Variants in RNF207 observed in about 807,000 individuals in gnomAD.
RNF207 encodes the protein ring finger protein 207, also known as OTTHUMG00000001089.
A neutral mutation model predicts 79.0 loss-of-function variants in RNF207; 72 were observed. The observed-to-expected ratio is 0.91, with a 90% CI of 0.75 to 1.11. RNF207 has a LOEUF of 1.11. Ranked by LOEUF, RNF207 falls within the 50% of genes least tolerant of loss-of-function variation. RNF207 has a pLI of 0.00. For synonymous variants in RNF207, 348 were observed against 366.2 expected (o/e 0.95, Z 0.57); for missense variants, 936 against 855.8 (o/e 1.09, Z -1.17).
chr1:6,220,948 C>A lies in RNF207; in HGVS notation c.*1541C>A, dbSNP rs1668528916. ...AGCACATTCAACACATAACACATCA[C>A]TCACATTGACGTCCACTGTCCCTGC... On this transcript the variant is annotated 3_prime_UTR_variant, in exon 18 of 18. Coordinates refer to ENST00000377939, the MANE Select transcript of RNF207 (RefSeq NM_207396.3). 6.6e-6 allele frequency: 1 copy of A among 152,248 alleles called. No individual in the cohort carries two copies. Among genetic ancestry groups the A allele is most frequent in the Non-Finnish European group, 1.5e-5 (1 of 68,052 alleles). The allele number at this position is 152,248 out of a possible 1,614,324, so 9.4% of individuals were successfully genotyped here.
chr1:6,215,455 C>T (rs1273977557), intron 16 of RNF207, among the ~76,000 whole-genome samples: 1 of 152,020 alleles, frequency 6.6e-6, no homozygotes, highest in Non-Finnish European at 1.5e-5. Flanking sequence ...GTGTTAGCCA[C>T]CGTGCCAAGC....
intron 3 of RNF207, 134 bp from the exon 4 acceptor site, chr1:6,208,747 A>T: frequency 1.1e-6 from 1 of 891,200 alleles, no homozygotes. Context: ...TGCCTGGATT[A>T]CAGGAAAGGG....
intron 16 of RNF207, among the ~76,000 whole-genome samples, chr1:6,214,875 TC>T (rs1470332869): frequency 1.3e-5 from 2 of 151,860 alleles, no homozygotes; most frequent in Non-Finnish European, 2.9e-5. Context: ...GACCTCGTCA[TC>T]TACCCGCCTC....
chr1:6,218,190 A>G, intron 16 of RNF207, 99 bp from the exon 17 acceptor site: 1 of 773,846 alleles, frequency 1.3e-6, no homozygotes, highest in Non-Finnish European at 2.3e-6. Flanking sequence ...AGGTGGGTGC[A>G]TGAGTGGTGG....
Position 6,213,026 on chromosome 1 carries a change from T to C in RNF207, c.1535-40T>C, listed in dbSNP as rs374786382. 54 of 1,354,322 alleles carry C rather than the reference T, an allele frequency of 4.0e-5. 1 individual carries two copies. In the African/African-American group the frequency reaches 7.5e-4, roughly 19 times the overall value. 83.9% of individuals were successfully genotyped at this position (1,354,322 alleles called of 1,614,324 possible). ...TGAGTAAAAATCTGAAGCCAGATGC[T>C]TCAGGATTAAGACCCCATGCTCTGG... On this transcript the variant is annotated intron_variant, in intron 15 of 17. Coordinates refer to ENST00000377939, the MANE Select transcript of RNF207 (RefSeq NM_207396.3).
At chr1:6,210,134 C>A in intron 8 of RNF207, 89 bp from the exon 9 acceptor site, 2 of 1,350,394 alleles carry the variant, frequency 1.5e-6, no homozygotes, top group South Asian at 1.2e-5. Flanking sequence ...GGTTCAGGGA[C>A]GGACATGCGA....
At chr1:6,210,049 C>A in intron 8 of RNF207, 79 bp downstream of exon 8, 1 of 1,440,196 alleles carries the variant, frequency 6.9e-7, no homozygotes, top group Non-Finnish European at 9.5e-7. Flanking sequence ...GCAGGCCCTG[C>A]CCCACCCTGA....
intron 16 of RNF207, among the ~76,000 whole-genome samples, chr1:6,214,824 C>T (rs1571211537): frequency 1.3e-5 from 2 of 150,266 alleles, no homozygotes; most frequent in Non-Finnish European, 3.0e-5. Context: ...TTAGTAGAGA[C>T]GGGGGTTTCA....
rs920247742 is a variant in RNF207, at chr1:6,209,044, G to A, written c.469+19G>A. ...AAGTGCAGTGAGTGAGGCTTGCGGG[G>A]CCGGGGACTTGGGGGTGGGGGCGGG... On this transcript the variant is annotated intron_variant, in intron 4 of 17. Transcript: ENST00000377939. 3.2e-6 allele frequency: 5 copies of A among 1,540,462 alleles called. No homozygotes were observed. The highest frequency in any genetic ancestry group is 2.0e-5 in the Admixed American group (1 of 50,638).
rs1267831925 is a variant in RNF207 at position 6,217,881 on chromosome 1, T to C, written c.1653-408T>C. 6.6e-6 allele frequency among the ~76,000 whole-genome samples: 1 copy of C among 152,182 alleles called. No individual in the cohort carries two copies. The highest frequency in any genetic ancestry group is 2.4e-5 in the African/African-American group (1 of 41,444). On this transcript the variant is annotated intron_variant, in intron 16 of 17. Transcript: ENST00000377939. The surrounding 1 kb of genome is among the most constrained non-coding windows in gnomAD (Gnocchi z 4.2). ...CACCCTAGTCACAATGCCCTTTCAG[T>C]TCCCCAAAAAAGCTAGACTGGTCCC...
Position 6,212,587 on chromosome 1 carries a change from G to A in RNF207, c.1483-95G>A, listed in dbSNP as rs547714396. On this transcript the variant is annotated intron_variant, in intron 14 of 17. Coordinates refer to ENST00000377939, the MANE Select transcript of RNF207 (RefSeq NM_207396.3). ...CTTGGAACCACGTGGACCTGGCTGG[G>A]GGGTGCTTTGTAGATCTGAGTAGCT... is the stretch of plus-strand genomic sequence containing the variant. 3.1e-4 allele frequency: 398 copies of A among 1,298,998 alleles called. 5 individuals are homozygous for A. In the South Asian group the frequency reaches 4.6e-3, roughly 15 times the overall value. The allele number at this position is 1,298,998 out of a possible 1,614,324, so 80.5% of individuals were successfully genotyped here. A position where few individuals can be genotyped will look rare whatever the true frequency, so the allele number is the denominator to read the frequency against.
At chr1:6,210,849 A>C (rs542626924) in intron 10 of RNF207, 21 bp from the exon 11 acceptor site, 2 of 1,581,564 alleles carry the variant, frequency 1.3e-6, no homozygotes, top group Admixed American at 3.7e-5. Context: ...CACCGGCCTG[A>C]GGCCCTCCTC....
chr1:6,210,125 G>A, intron 8 of RNF207, 98 bp from the exon 9 acceptor site: 1 of 1,324,058 alleles, frequency 7.6e-7, no homozygotes, highest in South Asian at 1.3e-5. Context: ...CAGAGAAGGG[G>A]TTCAGGGACG....
At position 6,206,318 on chromosome 1, in the gene RNF207, C is replaced by T. The variant is rs1667895781; in HGVS notation, c.-1+16C>T. 3.6e-6 allele frequency: 2 copies of T among 551,228 alleles called. No individual in the cohort carries two copies. Among genetic ancestry groups the T allele is most frequent in the Non-Finnish European group, 6.4e-6 (2 of 314,782 alleles). 34.1% of individuals were successfully genotyped at this position (551,228 alleles called of 1,614,324 possible). A position where few individuals can be genotyped will look rare whatever the true frequency, so the allele number is the denominator to read the frequency against. ...GGCCCAGCGGGTAGGTACAAGGCCCCGCCCCTCGCCAGTCCTCACTGCCTG... is the reference window on the plus strand; with the variant it reads ...GGCCCAGCGGGTAGGTACAAGGCCCTGCCCCTCGCCAGTCCTCACTGCCTG... On this transcript the variant is annotated intron_variant, in intron 1 of 17. Transcript: ENST00000377939.
Position 6,207,361 on chromosome 1 carries a change from G to A in RNF207, c.192-18G>A. ...GGGGAAGGGGTATCAGAATCTCGGG[G>A]CCTGGGCTTCTCTGCAGACACCAGA... is the stretch of plus-strand genomic sequence containing the variant. On this transcript the variant is annotated intron_variant, in intron 2 of 17. Transcript: ENST00000377939. This position sits in a 1 kb window ranked among gnomAD's most constrained non-coding sequence, Gnocchi z 4.5. 2 of 1,502,640 alleles carry A rather than the reference G, an allele frequency of 1.3e-6. No individual in the cohort carries two copies. The highest frequency in any genetic ancestry group is 1.8e-6 in the Non-Finnish European group (2 of 1,126,076). 93.1% of individuals were successfully genotyped at this position (1,502,640 alleles called of 1,614,324 possible).
Position 6,207,674 on chromosome 1 carries a change from G to A in RNF207, c.324+163G>A, listed in dbSNP as rs372294765. 4.9e-5 allele frequency: 40 copies of A among 812,554 alleles called. No homozygotes were observed. The Middle Eastern group carries it at 6.5e-4, about 13-fold the overall frequency. The allele number at this position is 812,554 out of a possible 1,614,324, so 50.3% of individuals were successfully genotyped here. ...CCCCAAATGTGAACCCCATTATACCGGTGGGGAGACTGAGGTCCAGAACAA... is the reference window on the plus strand; with the variant it reads ...CCCCAAATGTGAACCCCATTATACCAGTGGGGAGACTGAGGTCCAGAACAA... On this transcript the variant is annotated intron_variant, in intron 3 of 17. Coordinates refer to ENST00000377939, the MANE Select transcript of RNF207 (RefSeq NM_207396.3). The surrounding 1 kb of genome is among the most constrained non-coding windows in gnomAD (Gnocchi z 4.5).
chr1:6,211,960 G>C lies in RNF207; in HGVS notation c.1203G>C (p.Thr401=), dbSNP rs764638509. ...CGGGGTCACCCGTCCAAAAGCCCAC[G>C]CTGCACCGGTCCATCAGCACCAAGG... ...KMSGSPVQKP[T]LHRSISTKVL... is the part of the protein sequence containing the mutation. The change falls in exon 13 of 18, where the codon ACG becomes ACC. Residue 401 remains threonine, a synonymous_variant. Coordinates refer to ENST00000377939, the MANE Select transcript of RNF207 (RefSeq NM_207396.3). This position sits in a 1 kb window ranked among gnomAD's most constrained non-coding sequence, Gnocchi z 4.2. 26 of 1,569,600 alleles carry C rather than the reference G, an allele frequency of 1.7e-5. No individual in the cohort carries two copies. The highest frequency in any genetic ancestry group is 2.2e-5 in the Non-Finnish European group (26 of 1,157,756).
chr1:6,208,889 G>A lies in RNF207; in HGVS notation c.333G>A (p.Glu111=). The change falls in exon 4 of 18, where the codon GAG becomes GAA. Residue 111 remains glutamate (E), a synonymous_variant. Transcript: ENST00000377939. ...CCGCGCTCGGCCCGCAGGACGTGGA[G>A]ACCACGTACTTCTGCAACACGTGCG... ...CDLECSEQDV[E]TTYFCNTCGQ... 1 of 1,530,732 alleles carries A rather than the reference G, an allele frequency of 6.5e-7. No homozygotes were observed. The highest frequency in any genetic ancestry group is 8.7e-7 in the Non-Finnish European group (1 of 1,143,904). The allele number at this position is 1,530,732 out of a possible 1,614,324, so 94.8% of individuals were successfully genotyped here.
Position 6,209,459 on chromosome 1 carries a change from C to G in RNF207, c.673C>G (p.Leu225Val), listed in dbSNP as rs771407150. 2.5e-5 allele frequency: 38 copies of G among 1,515,322 alleles called. No individual in the cohort carries two copies. The Middle Eastern group carries it at 5.8e-4, about 23-fold the overall frequency. The allele number at this position is 1,515,322 out of a possible 1,614,324, so 93.9% of individuals were successfully genotyped here. A position where few individuals can be genotyped will look rare whatever the true frequency, so the allele number is the denominator to read the frequency against. ...GGCCACGCGGGAGGCCATCGCGCTG[C>G]TGCAGGCCATGGTGGAGGAGGTGCG... ...QTATREAIAL[L>V]QAMVEEVRHS... is the part of the protein sequence containing the mutation. The change falls in exon 7 of 18, where the codon CTG (leucine) becomes GTG (valine). Residue 225 changes from leucine to valine, a missense_variant. Leu to Val is a conservative substitution (Grantham distance 32). Transcript: ENST00000377939.
Sources: gnomAD v4.1 joint callset for allele counts (sites outside exome capture counted in the v4.1 genomes callset) on GRCh38, gnomAD v4.1.1 for gene constraint, Gnocchi (gnomAD v3.1) non-coding constraint, MANE v1.5 for transcripts, NCBI Gene and HGNC (gene_info 2026-07-23, HGNC 2026-07-21) for gene names.